The following GAS2 variants were observed in gnomAD, a reference collection of about 807,000 sequenced individuals.
GAS2 encodes growth arrest specific 2.
Under a neutral mutation model 37.5 loss-of-function variants are expected in GAS2, and 20 were observed. The ratio of observed to expected loss-of-function variants is 0.53; its 90% CI spans 0.37 to 0.77. The LOEUF is 0.77. Among genes scored for constraint, GAS2 ranks in the 30% least tolerant of loss-of-function variants. The probability of loss-of-function intolerance (pLI) is 0.00; values close to 1 mark genes in which losing one functional copy is unlikely to be tolerated. For missense variants in GAS2, 336 were observed against 373.4 expected, an observed-to-expected ratio of 0.90 and a Z score of 0.82; for synonymous variants, 144 against 132.2, an observed-to-expected ratio of 1.09 and a Z score of -0.61.
chr11:22,801,140 C>T (rs1466578726), intron 7 of GAS2, among the ~76,000 whole-genome samples: 1 of 151,954 alleles, frequency 6.6e-6, no homozygotes, highest in Non-Finnish European at 1.5e-5. Flanking sequence ...TAAGTTCTTA[C>T]CTCCATATAA....
Position 22,774,484 on chromosome 11 carries a change from A to G in GAS2, c.723+18531A>G, listed in dbSNP as rs116250010. 9.1e-3 allele frequency among the ~76,000 whole-genome samples: 1,383 copies of G among 152,326 alleles called. 32 individuals carry two copies. The highest frequency in any genetic ancestry group is 0.032 in the African/African-American group (1,312 of 41,576). On this transcript the variant is annotated intron_variant, in intron 7 of 7. Transcript: ENST00000454584. ...CTAAACAAGACCTATGTTTCATGAA[A>G]ATGTGGTTAGTATGACATTTTAAAC... is the stretch of plus-strand genomic sequence containing the variant.
Position 22,777,307 on chromosome 11 carries a change from A to G in GAS2, c.723+21354A>G, listed in dbSNP as rs138272701. 1.7e-3 allele frequency among the ~76,000 whole-genome samples: 262 copies of G among 152,322 alleles called. 1 individual carries two copies. Among genetic ancestry groups the G allele is most frequent in the Admixed American group, 4.2e-3 (64 of 15,296 alleles). ...AGGCATTACCTCTTGTATATAAGGA[A>G]CTGGATAGAAGCCATGGCTTCAGAC... is the stretch of plus-strand genomic sequence containing the variant. On this transcript the variant is annotated intron_variant, in intron 7 of 7. Transcript: ENST00000454584.
chr11:22,783,486 T>C (rs1855668739), intron 7 of GAS2, among the ~76,000 whole-genome samples: 1 of 152,104 alleles, frequency 6.6e-6, no homozygotes, highest in Non-Finnish European at 1.5e-5. Flanking sequence ...ATTGCAATGC[T>C]CTTGAGGACT....
At chr11:22,697,505 A>T (rs1286591426) in intron 3 of GAS2, among the ~76,000 whole-genome samples, 1 of 152,088 alleles carries the variant, frequency 6.6e-6, no homozygotes, top group Non-Finnish European at 1.5e-5. Context: ...CTTGATGGGG[A>T]TGGCATTGAA....
chr11:22,654,623 C>T (rs1848835483), intron 1 of GAS2, among the ~76,000 whole-genome samples: 1 of 152,056 alleles, frequency 6.6e-6, no homozygotes, highest in South Asian at 2.1e-4. Flanking sequence ...CTTGAACTCC[C>T]AGGCTAAAGT....
At chr11:22,772,441 T>C (rs1468347301) in intron 7 of GAS2, among the ~76,000 whole-genome samples, 1 of 152,218 alleles carries the variant, frequency 6.6e-6, no homozygotes, top group Non-Finnish European at 1.5e-5. Flanking sequence ...TTGTTTTTTG[T>C]TTTACTTTTC....
At chr11:22,780,553 G>A (rs1437212380) in intron 7 of GAS2, among the ~76,000 whole-genome samples, 1 of 80,278 alleles carries the variant, frequency 1.2e-5, no homozygotes, top group African/African-American at 5.2e-5. Context: ...GCAAGACTCT[G>A]TCTCAAAAAA....
chr11:22,680,062 G>A (rs902137524), intron 2 of GAS2, among the ~76,000 whole-genome samples: 1 of 151,844 alleles, frequency 6.6e-6, no homozygotes, highest in African/African-American at 2.4e-5. Flanking sequence ...TATTTATTAG[G>A]GTTGCTGCTG....
At chr11:22,706,353 C>T (rs1456232041) in intron 3 of GAS2, among the ~76,000 whole-genome samples, 1 of 151,274 alleles carries the variant, frequency 6.6e-6, no homozygotes, top group Non-Finnish European at 1.5e-5. Flanking sequence ...TATTATTATA[C>T]TTTAAGTTTT....
chr11:22,690,447 G>C lies in GAS2; in HGVS notation c.267+4658G>C, dbSNP rs146563332. On this transcript the variant is annotated intron_variant, in intron 3 of 7. Transcript: ENST00000454584. ...AGTAGTTAACCTTAGCCTTTGTGTA[G>C]TGGGCCATTTTCTAACTCTGCATGG... Among the ~76,000 whole-genome samples, 87 of 152,216 alleles carry C rather than the reference G, an allele frequency of 5.7e-4. 1 individual carries two copies. The highest frequency in any genetic ancestry group is 2.1e-3 in the African/African-American group (87 of 41,530).
At chr11:22,730,795 T>C (rs1272129047) in intron 4 of GAS2, among the ~76,000 whole-genome samples, 1 of 151,744 alleles carries the variant, frequency 6.6e-6, no homozygotes, top group Non-Finnish European at 1.5e-5. Flanking sequence ...AGGCTCTAGG[T>C]GTGAAAGTAT....
chr11:22,628,512 G>C (rs952870487), intron 1 of GAS2, among the ~76,000 whole-genome samples: 10 of 152,228 alleles, frequency 6.6e-5, no homozygotes, highest in Admixed American at 4.6e-4. Flanking sequence ...AAAGAAAAAG[G>C]CCAAATTTCA....
chr11:22,775,808 G>A (rs1855228775), intron 7 of GAS2, among the ~76,000 whole-genome samples: 1 of 152,116 alleles, frequency 6.6e-6, no homozygotes, highest in Non-Finnish European at 1.5e-5. Context: ...ATGTTATTCA[G>A]ATTCTCAGTT....
intron 5 of GAS2, among the ~76,000 whole-genome samples, chr11:22,745,080 T>C (rs558935958): frequency 1.6e-5 from 2 of 123,088 alleles, no homozygotes; most frequent in South Asian, 5.1e-4. Flanking sequence ...TCATCTGTTA[T>C]GGAAGTAGAA....
intron 2 of GAS2, among the ~76,000 whole-genome samples, chr11:22,682,892 A>G (rs1185515423): frequency 1.1e-4 from 7 of 60,928 alleles, no homozygotes; most frequent in African/African-American, 3.9e-4. Context: ...AAAAAGGAAA[A>G]AAAAAAAAAA....
chr11:22,698,783 G>A (rs1037430255), intron 3 of GAS2, among the ~76,000 whole-genome samples: 2 of 152,054 alleles, frequency 1.3e-5, no homozygotes, highest in Non-Finnish European at 2.9e-5. Flanking sequence ...TTTAAGAAGA[G>A]GTGACCAAAC....
At chr11:22,717,633 T>TAGG (rs1399124660) in intron 3 of GAS2, among the ~76,000 whole-genome samples, 6 of 151,916 alleles carry the variant, frequency 3.9e-5, no homozygotes, top group Non-Finnish European at 8.8e-5. Context: ...AGATGGGACT[T>TAGG]AACTAAAAAG....
intron 7 of GAS2, among the ~76,000 whole-genome samples, chr11:22,811,207 C>T (rs111409612): frequency 3.0e-4 from 45 of 152,124 alleles, no homozygotes; most frequent in African/African-American, 5.5e-4. Context: ...ACATATTCTA[C>T]GATAATTAGG....
At chr11:22,749,992 C>T (rs1382115557) in intron 6 of GAS2, among the ~76,000 whole-genome samples, 1 of 151,862 alleles carries the variant, frequency 6.6e-6, no homozygotes, top group Non-Finnish European at 1.5e-5. Context: ...TGCATATGCC[C>T]TCCACATATA....
Sources: gnomAD v4.1 joint callset for allele counts (sites outside exome capture counted in the v4.1 genomes callset) on GRCh38, gnomAD v4.1.1 for gene constraint, MANE v1.5 for transcripts, NCBI Gene and HGNC (gene_info 2026-07-23, HGNC 2026-07-21) for gene names.